BLTP1: variants seen among roughly 807,000 people sequenced by gnomAD.
BLTP1 encodes the protein bridge-like lipid transfer protein family member 1.
the BLTP1 span, chr4:122,301,317 C>G: frequency 1.2e-6 from 2 of 1,600,510 alleles, no homozygotes; most frequent in Non-Finnish European, 1.7e-6. Flanking sequence ...GCAGCCTATT[C>G]CTCTCTGGAA....
chr4:122,239,971 G>A, the BLTP1 span: 2 of 1,614,120 alleles, frequency 1.2e-6, no homozygotes, highest in Non-Finnish European at 1.7e-6. Flanking sequence ...GACTACAGTA[G>A]GGGTTCCATA....
chr4:122,163,673 G>C, the BLTP1 span, among the ~76,000 whole-genome samples: 1 of 152,164 alleles, frequency 6.6e-6, no homozygotes, highest in Admixed American at 6.5e-5. Context: ...TATGAGATAG[G>C]TACTATTAGT....
the BLTP1 span, among the ~76,000 whole-genome samples, chr4:122,296,030 G>T: frequency 6.6e-6 from 1 of 152,156 alleles, no homozygotes; most frequent in East Asian, 1.9e-4. Context: ...CACAAGACAA[G>T]AATGCCCTCT....
At chr4:122,302,286 A>G in the BLTP1 span, 74 of 976,434 alleles carry the variant, frequency 7.6e-5, no homozygotes, top group Middle Eastern at 2.1e-3. Context: ...CATTAGACAT[A>G]TCCTATACAG....
At chr4:122,284,306 C>T in the BLTP1 span, among the ~76,000 whole-genome samples, 8 of 152,016 alleles carry the variant, frequency 5.3e-5, no homozygotes, top group African/African-American at 1.9e-4. Flanking sequence ...CTTTTTCTTG[C>T]CTTATGGTGC....
chr4:122,201,846 T>C, the BLTP1 span: 2 of 982,300 alleles, frequency 2.0e-6, no homozygotes, highest in Non-Finnish European at 2.4e-6. Flanking sequence ...ATCCATCCAT[T>C]TGTGCAACAG....
the BLTP1 span, among the ~76,000 whole-genome samples, chr4:122,275,172 A>G: frequency 2.6e-5 from 4 of 151,990 alleles, no homozygotes; most frequent in Non-Finnish European, 5.9e-5. Context: ...TTTTTTGTTC[A>G]TTCAATATAG....
the BLTP1 span, among the ~76,000 whole-genome samples, chr4:122,277,330 C>A: frequency 6.6e-6 from 1 of 152,062 alleles, no homozygotes; most frequent in South Asian, 2.1e-4. Context: ...AACAACGAGA[C>A]CCCATCTTAA....
chr4:122,155,630 G>A, the BLTP1 span, among the ~76,000 whole-genome samples: 1 of 151,908 alleles, frequency 6.6e-6, no homozygotes, highest in Non-Finnish European at 1.5e-5. Context: ...GGTGAAATGA[G>A]GATTTTTGTA....
chr4:122,236,273 T>G, the BLTP1 span, among the ~76,000 whole-genome samples: 1 of 152,198 alleles, frequency 6.6e-6, no homozygotes, highest in Non-Finnish European at 1.5e-5. Flanking sequence ...CAAGTTATTT[T>G]AAGGTCATTG....
the BLTP1 span, chr4:122,244,966 A>G: frequency 1.9e-6 from 3 of 1,581,254 alleles, no homozygotes; most frequent in South Asian, 1.1e-5. Flanking sequence ...TACATAAACT[A>G]AGTTGTAGAA....
the BLTP1 span, among the ~76,000 whole-genome samples, chr4:122,180,821 C>T: frequency 6.6e-6 from 1 of 152,208 alleles, no homozygotes; most frequent in Non-Finnish European, 1.5e-5. Flanking sequence ...TTAAAAACTG[C>T]TCAGGGTTTT....
At chr4:122,337,158 T>C in the BLTP1 span, 7 of 733,986 alleles carry the variant, frequency 9.5e-6, no homozygotes, top group East Asian at 1.6e-4. Context: ...TGTGATGGCT[T>C]GGAGGTTGCC....
chr4:122,311,356 G>A, the BLTP1 span, among the ~76,000 whole-genome samples: 1 of 152,116 alleles, frequency 6.6e-6, no homozygotes, highest in South Asian at 2.1e-4. Context: ...CATGCTTATT[G>A]TTTGGGTTTC....
the BLTP1 span, among the ~76,000 whole-genome samples, chr4:122,188,693 G>A: frequency 6.6e-6 from 1 of 151,882 alleles, no homozygotes; most frequent in Admixed American, 6.6e-5. Flanking sequence ...CAGTGTGATG[G>A]GATGCTGAGT....
At chr4:122,223,807 G>T in the BLTP1 span, among the ~76,000 whole-genome samples, 1 of 152,298 alleles carries the variant, frequency 6.6e-6, no homozygotes, top group African/African-American at 2.4e-5. Flanking sequence ...TCAGAGACTG[G>T]GAGGTAGTTT....
the BLTP1 span, chr4:122,289,797 A>G: frequency 1.0e-6 from 1 of 981,844 alleles, no homozygotes; most frequent in African/African-American, 1.7e-5. Context: ...AGTTTCCTTT[A>G]TGCTCATGGA....
the BLTP1 span, among the ~76,000 whole-genome samples, chr4:122,238,627 A>G: frequency 1.8e-3 from 275 of 152,338 alleles, 1 homozygote; most frequent in Non-Finnish European, 3.3e-3. Context: ...GTTAACATTC[A>G]GATATTATCC....
chr4:122,307,938 A>AT, the BLTP1 span: 1 of 1,610,686 alleles, frequency 6.2e-7, no homozygotes, highest in East Asian at 2.2e-5. Context: ...CCCTGTCTTA[A>AT]TTATCAAAAG....
Sources: allele counts gnomAD v4.1 joint callset (sites outside exome capture counted in the v4.1 genomes callset), GRCh38; gene constraint gnomAD v4.1.1; transcripts MANE v1.5; gene names NCBI Gene and HGNC (gene_info 2026-07-23, HGNC 2026-07-21).